The following SERINC3 variants were observed in gnomAD, a reference collection of about 807,000 sequenced individuals.
The protein encoded by SERINC3 is serine incorporator 3, also known as tumor differentially expressed protein 1.
A neutral mutation model predicts 52.1 loss-of-function variants in SERINC3; 22 were observed. The ratio of observed to expected loss-of-function variants is 0.42; its 90% CI spans 0.30 to 0.60. The LOEUF is 0.60. SERINC3 is among the 20% of genes least tolerant of loss of function. The probability of loss-of-function intolerance (pLI) is 0.16; values close to 1 mark genes in which losing one functional copy is unlikely to be tolerated. For synonymous variants in SERINC3, 226 were observed against 212.7 expected, an observed-to-expected ratio of 1.06 and a Z score of -0.54; for missense variants, 564 against 584.6, an observed-to-expected ratio of 0.96 and a Z score of 0.36.
chr20:44,516,740 G>A (rs868264454), intron 1 of SERINC3, among the ~76,000 whole-genome samples: 2 of 152,286 alleles, frequency 1.3e-5, no homozygotes, highest in Middle Eastern at 3.4e-3. Context: ...TGTTGCCCAA[G>A]CTGGAGTACA....
Position 44,499,184 on chromosome 20 carries a change from G to A in SERINC3, c.*1112C>T, listed in dbSNP as rs6031631. ...TGTACCCCAAAACCTACAGGGTCTA[G>A]TACAGAATAGACAGTAAATCTTTGT... On this transcript the variant is annotated 3_prime_UTR_variant, in exon 10 of 10. Coordinates refer to ENST00000342374, the MANE Select transcript of SERINC3 (RefSeq NM_006811.4). 25,828 of 152,290 alleles carry A rather than the reference G, an allele frequency of 0.17. 2,798 individuals are homozygous for A. The highest frequency in any genetic ancestry group is 0.31 in the African/African-American group (12,929 of 41,476). The allele number at this position is 152,290 out of a possible 1,614,324, so 9.4% of individuals were successfully genotyped here.
intron 1 of SERINC3, among the ~76,000 whole-genome samples, chr20:44,518,297 C>T (rs2064393203): frequency 1.9e-5 from 2 of 102,704 alleles, no homozygotes; most frequent in Admixed American, 1.3e-4. Context: ...CCTGTCTCTA[C>T]TAAAAATGCA....
chr20:44,522,014 A>T lies in SERINC3; in HGVS notation c.-63T>A, dbSNP rs2123084174. 1 of 1,503,090 alleles carries T rather than the reference A, an allele frequency of 6.7e-7. No homozygotes were observed. Among genetic ancestry groups the T allele is most frequent in the East Asian group, 2.4e-5 (1 of 40,890 alleles). 93.1% of individuals were successfully genotyped at this position (1,503,090 alleles called of 1,614,324 possible). On this transcript the variant is annotated 5_prime_UTR_variant, in exon 1 of 10. Transcript: ENST00000342374. ...GCTTTCTAACACGGTGGTAACTGCC[A>T]GCTGAGGTGACTCCCCAGAAACATG...
intron 3 of SERINC3, among the ~76,000 whole-genome samples, chr20:44,511,833 G>T (rs1228942075): frequency 6.6e-6 from 1 of 152,192 alleles, no homozygotes; most frequent in Non-Finnish European, 1.5e-5. Context: ...TGACTGCCTT[G>T]TATGGCAGAG....
intron 6 of SERINC3, among the ~76,000 whole-genome samples, chr20:44,505,370 G>A (rs911009647): frequency 2.0e-5 from 3 of 151,490 alleles, no homozygotes; most frequent in Admixed American, 6.6e-5. Context: ...TTGTCACCCC[G>A]GCTGGAGTGC....
At chr20:44,512,695 A>T in intron 3 of SERINC3, 106 bp downstream of exon 3, 1 of 854,114 alleles carries the variant, frequency 1.2e-6, no homozygotes, top group Non-Finnish European at 1.7e-6. Context: ...CATCTGAGCC[A>T]CTCATTTACA....
intron 5 of SERINC3, among the ~76,000 whole-genome samples, chr20:44,507,813 G>A (rs2064324106): frequency 6.6e-6 from 1 of 152,186 alleles, no homozygotes; most frequent in African/African-American, 2.4e-5. Flanking sequence ...AGGTTGCAGT[G>A]AGCCGAGATG....
chr20:44,513,135 C>T, intron 2 of SERINC3, 141 bp from the exon 3 acceptor site: 1 of 516,762 alleles, frequency 1.9e-6, no homozygotes, highest in East Asian at 3.4e-5. Flanking sequence ...CTTTGTCTTC[C>T]AATTCATTTA....
rs751396035 is a variant in SERINC3, at chr20:44,500,327, G to T, written c.1391C>A (p.Pro464Gln). Residue 464 changes from proline to glutamine, a missense_variant, in exon 10 of 10, where the codon CCA becomes CAA. By Grantham distance (76) the Pro-to-Gln change is moderately conservative. Coordinates refer to ENST00000342374, the MANE Select transcript of SERINC3 (RefSeq NM_006811.4). ...LLLYVWTLVA[P>Q]LVLTSRDFS is the part of the protein sequence containing the mutation. ...GAAGTCCCGACTGGTGAGGACAAGT[G>T]GAGCCACAAGGGTCCAGACGTAAAG... 1 of 1,611,184 alleles carries T rather than the reference G, an allele frequency of 6.2e-7. No individual in the cohort carries two copies. The highest frequency in any genetic ancestry group is 8.5e-7 in the Non-Finnish European group (1 of 1,178,908).
rs535036130 is a variant in SERINC3 at position 44,516,104 on chromosome 20, C to T, written c.40-2064G>A. Among the ~76,000 whole-genome samples the T allele has an allele frequency of 5.1e-4, 78 of 152,166 alleles. 1 individual carries two copies. Among genetic ancestry groups the T allele is most frequent in the African/African-American group, 1.8e-3 (76 of 41,544 alleles). ...GGACCACAAGGTCAGGAGTTCAAGA[C>T]CAGCCTGGCCAAGATGGTGAAACCC... On this transcript the variant is annotated intron_variant, in intron 1 of 9. Coordinates refer to ENST00000342374, the MANE Select transcript of SERINC3 (RefSeq NM_006811.4).
At chr20:44,513,354 T>C (rs781458333) in intron 2 of SERINC3, among the ~76,000 whole-genome samples, 2 of 151,984 alleles carry the variant, frequency 1.3e-5, no homozygotes, top group Non-Finnish European at 2.9e-5. Flanking sequence ...GGCATGGTGG[T>C]GCATGCTTAT....
chr20:44,507,344 A>G (rs1394883512), intron 5 of SERINC3, among the ~76,000 whole-genome samples: 1 of 152,156 alleles, frequency 6.6e-6, no homozygotes, highest in Non-Finnish European at 1.5e-5. Flanking sequence ...TGATTCCTTT[A>G]CCCTCAAAAT....
chr20:44,514,088 C>CCTG, intron 1 of SERINC3, 48 bp from the exon 2 acceptor site: 1 of 1,552,182 alleles, frequency 6.4e-7, no homozygotes. Flanking sequence ...CAGTATACTC[C>CCTG]TTTATGACAC....
chr20:44,506,340 T>A (rs529954719), intron 6 of SERINC3, among the ~76,000 whole-genome samples: 1 of 145,218 alleles, frequency 6.9e-6, no homozygotes, highest in African/African-American at 2.6e-5. Flanking sequence ...ACGCCTGTAA[T>A]CCCAGCACCT....
chr20:44,500,507 A>C (rs762933408), intron 9 of SERINC3, 73 bp from the exon 10 acceptor site: 1 of 1,521,998 alleles, frequency 6.6e-7, no homozygotes, highest in Non-Finnish European at 8.9e-7. Context: ...GCAGCCCCCC[A>C]GCCAAGGCCA....
chr20:44,512,842 T>A lies in SERINC3; in HGVS notation c.354A>T (p.Lys118Asn). 6.3e-7 allele frequency: 1 copy of A among 1,577,124 alleles called. No individual in the cohort carries two copies. The highest frequency in any genetic ancestry group is 8.6e-7 in the Non-Finnish European group (1 of 1,168,420). The change falls in exon 3 of 10, where the codon AAA (lysine) becomes AAT (asparagine). Residue 118 changes from lysine (K) to asparagine (N), a missense_variant. By Grantham distance (94) the Lys-to-Asn change is moderately conservative (BLOSUM62 0). Transcript: ENST00000342374. ...FFFVFSLLMFKVKTSKDLRAA... is the reference protein window; with the variant it reads ...FFFVFSLLMFNVKTSKDLRAA... The stretch of plus-strand genomic sequence containing the variant: ...CTCGGAGATCTTTACTTGTTTTTAC[T>A]TTGAACATGAGCAGAGAAAAGACAA...
chr20:44,516,894 C>A (rs1365459629), intron 1 of SERINC3, among the ~76,000 whole-genome samples: 3 of 152,132 alleles, frequency 2.0e-5, no homozygotes, highest in Admixed American at 6.6e-5. Flanking sequence ...TAGGAAACTG[C>A]TTGAAATTGC....
At chr20:44,506,727 G>C (rs2064316301) in intron 6 of SERINC3, 100 bp downstream of exon 6, 5 of 692,588 alleles carry the variant, frequency 7.2e-6, no homozygotes, top group African/African-American at 1.9e-5. Context: ...AAATGTTCAA[G>C]TGGATAAACT....
At chr20:44,518,971 AC>A (rs67522149) in intron 1 of SERINC3, among the ~76,000 whole-genome samples, 24,713 of 148,406 alleles carry the variant, frequency 0.17, 2,587 homozygotes, top group African/African-American at 0.31. Context: ...TTTCTCAAAA[AC>A]GAAAAAAAAA....
Sources: allele counts gnomAD v4.1 joint callset (sites outside exome capture counted in the v4.1 genomes callset), GRCh38; gene constraint gnomAD v4.1.1; transcripts MANE v1.5; gene names NCBI Gene and HGNC (gene_info 2026-07-23, HGNC 2026-07-21).